The following OGFOD1 variants were observed in gnomAD, a reference collection of about 807,000 sequenced individuals.
The protein encoded by OGFOD1 is 2-oxoglutarate and iron dependent oxygenase domain containing 1, also known as prolyl 3-hydroxylase OGFOD1.
Under a neutral mutation model 67.7 loss-of-function variants are expected in OGFOD1, and 54 were observed. That is an observed-to-expected ratio of 0.80 (90% CI 0.64 to 1.00). OGFOD1 has a LOEUF of 1.00. Ranked by LOEUF, OGFOD1 falls within the 50% of genes least tolerant of loss-of-function variation. The probability of loss-of-function intolerance (pLI) is 0.00; values close to 1 mark genes in which losing one functional copy is unlikely to be tolerated. For synonymous variants in OGFOD1, 221 were observed against 227.0 expected, an observed-to-expected ratio of 0.97 and a Z score of 0.24; for missense variants, 606 against 646.7, an observed-to-expected ratio of 0.94 and a Z score of 0.68.
rs1963115539 is a variant in OGFOD1, at chr16:56,470,504, A to G, written c.998A>G (p.Glu333Gly). 1 of 1,610,088 alleles carries G rather than the reference A, an allele frequency of 6.2e-7. No homozygotes were observed. Among genetic ancestry groups the G allele is most frequent in the Non-Finnish European group, 8.5e-7 (1 of 1,178,604 alleles). The change falls in exon 10 of 13, where the codon GAG becomes GGG. Residue 333 changes from glutamate (E) to glycine (G), a missense_variant. Transcript: ENST00000566157. ...TTTTTCAGGTTTTATGAGAAAGCTGAGGAGAGTAAGCTTCCTGAGATATTG... is the reference window on the plus strand; with the variant it reads ...TTTTTCAGGTTTTATGAGAAAGCTGGGGAGAGTAAGCTTCCTGAGATATTG... ...PPNKRFYEKA[E>G]ESKLPEILKE...
chr16:56,456,654 G>C (rs1209863180), intron 2 of OGFOD1, among the ~76,000 whole-genome samples: 1 of 152,320 alleles, frequency 6.6e-6, no homozygotes, highest in African/African-American at 2.4e-5. Flanking sequence ...GTCCCATAAA[G>C]TAACACCTAT....
At position 56,470,824 on chromosome 16, in the gene OGFOD1, C is replaced by T. The variant is rs553693632; in HGVS notation, c.1285+33C>T. 3.3e-6 allele frequency: 5 copies of T among 1,514,036 alleles called. No homozygotes were observed. The East Asian group carries it at 9.3e-5, about 28-fold the overall frequency. 93.8% of individuals were successfully genotyped at this position (1,514,036 alleles called of 1,614,324 possible). ...GTTGTTAGGATTTGTCCTTACTTAC[C>T]ATTAACCATTCACCATTCAAACATG... is the stretch of plus-strand genomic sequence containing the variant. On this transcript the variant is annotated intron_variant, in intron 10 of 12. Transcript: ENST00000566157.
intron 9 of OGFOD1, 21 bp from the exon 10 acceptor site, chr16:56,470,466 C>T: frequency 1.3e-6 from 2 of 1,582,046 alleles, no homozygotes; most frequent in Non-Finnish European, 1.7e-6. Flanking sequence ...TGATGAACAA[C>T]TTGACATTGC....
chr16:56,478,378 GACC>G lies in OGFOD1; in HGVS notation c.*2176_*2178del, dbSNP rs1314870534. 2 of 152,050 alleles carry G rather than the reference GACC, an allele frequency of 1.3e-5. No individual in the cohort carries two copies. The highest frequency in any genetic ancestry group is 2.4e-5 in the African/African-American group (1 of 41,394). 9.4% of individuals were successfully genotyped at this position (152,050 alleles called of 1,614,324 possible). On this transcript the variant is annotated 3_prime_UTR_variant, in exon 13 of 13. Transcript: ENST00000566157. ...GTTTCACCATGTTGGCCAGGCTGGA[GACC>G]ACAATTTTTTAACCACAGTGTAGCA... is the stretch of plus-strand genomic sequence containing the variant.
At chr16:56,464,346 T>C (rs1962824406) in intron 4 of OGFOD1, among the ~76,000 whole-genome samples, 1 of 152,186 alleles carries the variant, frequency 6.6e-6, no homozygotes, top group Non-Finnish European at 1.5e-5. Flanking sequence ...CACTGTTCTT[T>C]TTCCCTATCA....
At chr16:56,472,729 G>A (rs1305671341) in intron 10 of OGFOD1, among the ~76,000 whole-genome samples, 1 of 152,070 alleles carries the variant, frequency 6.6e-6, no homozygotes, top group African/African-American at 2.4e-5. Flanking sequence ...ACATATACAT[G>A]TATACACATA....
intron 10 of OGFOD1, among the ~76,000 whole-genome samples, chr16:56,474,340 G>A: frequency 7.8e-6 from 1 of 128,204 alleles, no homozygotes. Context: ...TTTTTTTTGA[G>A]ATGGAGTTTC....
rs1963128305 is a variant in OGFOD1, at chr16:56,470,714, A to G, written c.1208A>G (p.Gln403Arg). The G allele has an allele frequency of 3.1e-6, 5 of 1,614,118 alleles. No homozygotes were observed. The East Asian group carries it at 1.1e-4, about 36-fold the overall frequency. Residue 403 changes from glutamine (Q) to arginine (R), a missense_variant, in exon 10 of 13, where the codon CAG (glutamine) becomes CGG (arginine). Transcript: ENST00000566157. ...AGTCCTCCTGAGCCAGAGAATAATC[A>G]GATGGCCATCAGCAACAACAGCCAA... ...SHSPPEPENN[Q>R]MAISNNSQQS...
chr16:56,474,903 G>T lies in OGFOD1; in HGVS notation c.1361G>T (p.Ser454Ile). ...TGHYTLIHDH[S>I]KAEFALDLIL... ...CACTACACTTTAATTCATGACCATA[G>T]CAAGGCTGAATTTGCCCTAGACTTA... is the stretch of plus-strand genomic sequence containing the variant. The change falls in exon 11 of 13, where the codon AGC (serine) becomes ATC (isoleucine). Residue 454 changes from serine (S) to isoleucine (I), a missense_variant. Transcript: ENST00000566157. 3 of 1,613,706 alleles carry T rather than the reference G, an allele frequency of 1.9e-6. No individual in the cohort carries two copies. The highest frequency in any genetic ancestry group is 1.7e-6 in the Non-Finnish European group (2 of 1,179,832).
intron 3 of OGFOD1, among the ~76,000 whole-genome samples, chr16:56,461,541 T>C (rs1962710922): frequency 6.6e-6 from 1 of 152,230 alleles, no homozygotes; most frequent in African/African-American, 2.4e-5. Context: ...GGCAGTAGTG[T>C]GAACCTCCAG....
chr16:56,453,610 T>TA (rs1487960099), intron 2 of OGFOD1: 1 of 477,170 alleles, frequency 2.1e-6, no homozygotes, highest in Non-Finnish European at 3.7e-6. Flanking sequence ...ATGGAAGCCT[T>TA]AGACAGTGCC....
intron 6 of OGFOD1, 78 bp from the exon 7 acceptor site, chr16:56,467,087 A>T: frequency 6.3e-7 from 1 of 1,591,900 alleles, no homozygotes. Flanking sequence ...CTTAGCATGG[A>T]GGACCCTGAA....
At chr16:56,462,210 G>A (rs1178924587) in intron 3 of OGFOD1, among the ~76,000 whole-genome samples, 1 of 152,144 alleles carries the variant, frequency 6.6e-6, no homozygotes, top group Non-Finnish European at 1.5e-5. Context: ...GAGTTGTTAT[G>A]ACAAAGGCCA....
At position 56,476,846 on chromosome 16, in the gene OGFOD1, T is replaced by C. The variant is rs761503296; in HGVS notation, c.*641T>C. On this transcript the variant is annotated 3_prime_UTR_variant, in exon 13 of 13. Coordinates refer to ENST00000566157, the MANE Select transcript of OGFOD1 (RefSeq NM_018233.4). ...TTTTTTAGAAAAACTCATACGTGATTGCAGCCGGGCATGGTGGCTCACGCC... is the reference window on the plus strand; with the variant it reads ...TTTTTTAGAAAAACTCATACGTGATCGCAGCCGGGCATGGTGGCTCACGCC... 6.6e-6 allele frequency: 1 copy of C among 152,360 alleles called. No homozygotes were observed. Among genetic ancestry groups the C allele is most frequent in the Non-Finnish European group, 1.5e-5 (1 of 68,162 alleles). The allele number at this position is 152,360 out of a possible 1,614,324, so 9.4% of individuals were successfully genotyped here. A position where few individuals can be genotyped will look rare whatever the true frequency, so the allele number is the denominator to read the frequency against.
chr16:56,459,171 T>A (rs1044973943), intron 3 of OGFOD1, among the ~76,000 whole-genome samples: 3 of 152,026 alleles, frequency 2.0e-5, no homozygotes, highest in Admixed American at 6.6e-5. Context: ...AGAAACCCTG[T>A]CTCTACTAAA....
intron 3 of OGFOD1, 65 bp from the exon 4 acceptor site, chr16:56,462,469 C>A: frequency 2.1e-6 from 2 of 962,554 alleles, no homozygotes; most frequent in South Asian, 1.3e-5. Context: ...TGGCCTAGAT[C>A]CAAACAGTTG....
intron 7 of OGFOD1, 150 bp from the exon 8 acceptor site, chr16:56,467,755 G>A: frequency 3.1e-6 from 2 of 647,316 alleles, no homozygotes; most frequent in East Asian, 2.8e-5. Context: ...ACTTTTGAGA[G>A]TGTCTTTCTC....
chr16:56,476,363 A>G lies in OGFOD1; in HGVS notation c.*158A>G, dbSNP rs1219429148. On this transcript the variant is annotated 3_prime_UTR_variant, in exon 13 of 13. Transcript: ENST00000566157. ...CTAGGACTCATAATGATTGTCCTCA[A>G]CCGAGACCTTGAGCTTGCAGCTAAG... 3.7e-6 allele frequency: 2 copies of G among 540,478 alleles called. No individual in the cohort carries two copies. Among genetic ancestry groups the G allele is most frequent in the Admixed American group, 7.6e-5 (2 of 26,398 alleles). 33.5% of individuals were successfully genotyped at this position (540,478 alleles called of 1,614,324 possible).
At chr16:56,454,852 A>C in intron 2 of OGFOD1, 1 of 402,576 alleles carries the variant, frequency 2.5e-6, no homozygotes, top group Middle Eastern at 3.6e-4. Context: ...GACTGAATTA[A>C]CCAGGATAAA....
Sources: allele counts gnomAD v4.1 joint callset (sites outside exome capture counted in the v4.1 genomes callset), GRCh38; gene constraint gnomAD v4.1.1; transcripts MANE v1.5; gene names NCBI Gene and HGNC (gene_info 2026-07-23, HGNC 2026-07-21).